The following FRMPD4 variants were observed in gnomAD, a reference collection of about 807,000 sequenced individuals.
FRMPD4 encodes the protein FERM and PDZ domain containing 4, also known as FERM and PDZ domain-containing protein 4.
In FRMPD4, 22 loss-of-function variants were observed where a neutral mutation model predicts 94.1. That is an observed-to-expected ratio of 0.23 (90% CI 0.17 to 0.33). The LOEUF (loss-of-function observed/expected upper bound fraction) is 0.33. Ranked by LOEUF, FRMPD4 falls within the 10% of genes least tolerant of loss-of-function variation. FRMPD4 has a pLI of 1.00. For synonymous variants in FRMPD4, 631 were observed against 548.6 expected (o/e 1.15, Z -2.10); for missense variants, 1,111 against 1,339.9 (o/e 0.83, Z 2.67).
chrX:12,258,606 A>C (rs769477808), intron 1 of FRMPD4, among the ~76,000 whole-genome samples: 1 of 111,778 alleles, frequency 8.9e-6, no homozygotes, highest in Admixed American at 9.5e-5. Context: ...GACTTTACTC[A>C]AATGAGAAAT....
intron 1 of FRMPD4, among the ~76,000 whole-genome samples, chrX:12,471,206 T>A (rs1020988356): frequency 8.9e-6 from 1 of 111,969 alleles, no homozygotes; most frequent in Admixed American, 9.6e-5. Flanking sequence ...TTTCTCACTA[T>A]GAGATGAAAT....
At chrX:12,424,101 C>G (rs777931935) in intron 1 of FRMPD4, among the ~76,000 whole-genome samples, 7 of 111,950 alleles carry the variant, frequency 6.3e-5, no homozygotes, top group Non-Finnish European at 9.4e-5. Flanking sequence ...ACAAAAGGAC[C>G]GAAACTTGTC....
intron 1 of FRMPD4, among the ~76,000 whole-genome samples, chrX:12,314,492 G>T (rs183892928): frequency 9.0e-6 from 1 of 111,062 alleles, no homozygotes; most frequent in Non-Finnish European, 1.9e-5. Flanking sequence ...CAGGTGGTCT[G>T]GTGGTCGTGG....
chrX:12,053,015 A>T (rs2054826721), intron 3 of FRMPD4, among the ~76,000 whole-genome samples: 1 of 111,018 alleles, frequency 9.0e-6, no homozygotes, highest in Non-Finnish European at 1.9e-5. Flanking sequence ...ATATTGCAAG[A>T]TTTGGGATTC....
At chrX:11,910,965 T>C (rs2053993915) in intron 3 of FRMPD4, among the ~76,000 whole-genome samples, 1 of 109,561 alleles carries the variant, frequency 9.1e-6, no homozygotes, top group African/African-American at 3.3e-5. Context: ...CTTCCAAGAA[T>C]CCCTTTAGAG....
intron 1 of FRMPD4, among the ~76,000 whole-genome samples, chrX:12,144,049 A>G (rs916476521): frequency 8.9e-6 from 1 of 112,202 alleles, no homozygotes. Context: ...AGCCTCAACC[A>G]ATGTGTGCTG....
chrX:12,418,818 A>G (rs1422825730), intron 1 of FRMPD4, among the ~76,000 whole-genome samples: 1 of 111,840 alleles, frequency 8.9e-6, no homozygotes, highest in Non-Finnish European at 1.9e-5. Context: ...GCTAGCTTAT[A>G]AATAGCGGAA....
intron 3 of FRMPD4, among the ~76,000 whole-genome samples, chrX:12,106,943 T>C (rs1221146331): frequency 8.9e-6 from 1 of 112,237 alleles, no homozygotes; most frequent in Non-Finnish European, 1.9e-5. Flanking sequence ...CAAGGAGGTC[T>C]GCCTGCCTCT....
chrX:11,987,014 G>T (rs1244495682), intron 3 of FRMPD4, among the ~76,000 whole-genome samples: 1 of 94,790 alleles, frequency 1.1e-5, no homozygotes, highest in Non-Finnish European at 2.0e-5. Flanking sequence ...AAACTAGTCT[G>T]AAAAAGAGAG....
chrX:12,378,668 T>G (rs1298082769), intron 1 of FRMPD4, among the ~76,000 whole-genome samples: 1 of 112,343 alleles, frequency 8.9e-6, no homozygotes, highest in Non-Finnish European at 1.9e-5. Context: ...GGGAGTTATA[T>G]TTCACTTTTG....
intron 9 of FRMPD4, among the ~76,000 whole-genome samples, chrX:12,700,067 ATTAG>A (rs1207237363): frequency 9.0e-6 from 1 of 111,564 alleles, no homozygotes; most frequent in Non-Finnish European, 1.9e-5. Flanking sequence ...CAGAGGGAAA[ATTAG>A]AGTCATATTT....
intron 3 of FRMPD4, among the ~76,000 whole-genome samples, chrX:12,045,590 C>T (rs887863809): frequency 1.6e-4 from 18 of 111,223 alleles, no homozygotes; most frequent in African/African-American, 5.9e-4. Context: ...CCATTTTCCC[C>T]TGCAAGAGCC....
chrX:12,440,044 T>A (rs5935340), intron 1 of FRMPD4, among the ~76,000 whole-genome samples: 50,488 of 110,727 alleles, frequency 0.46, 8,514 homozygotes, highest in South Asian at 0.62. Flanking sequence ...TTAGTTTTTT[T>A]AAAAATCTAT....
intron 3 of FRMPD4, among the ~76,000 whole-genome samples, chrX:11,925,206 T>G (rs2054080081): frequency 9.1e-6 from 1 of 109,864 alleles, no homozygotes. Context: ...CAAGAAGATC[T>G]AAGTATCCTA....
At chrX:11,959,296 G>A (rs961230936) in intron 3 of FRMPD4, among the ~76,000 whole-genome samples, 4 of 112,114 alleles carry the variant, frequency 3.6e-5, no homozygotes, top group Non-Finnish European at 7.5e-5. Flanking sequence ...ACACTTCAAG[G>A]CAGTGGGTAA....
intron 3 of FRMPD4, among the ~76,000 whole-genome samples, chrX:11,952,720 C>T (rs777984669): frequency 1.8e-5 from 2 of 112,152 alleles, no homozygotes; most frequent in Non-Finnish European, 1.9e-5. Flanking sequence ...CTGGGAACTC[C>T]CCTCTTCACT....
At chrX:12,005,912 G>T (rs1281565545) in intron 3 of FRMPD4, among the ~76,000 whole-genome samples, 1 of 110,531 alleles carries the variant, frequency 9.0e-6, no homozygotes, top group Non-Finnish European at 1.9e-5. Context: ...TTTTAGAGAC[G>T]AAATCATTAG....
chrX:12,392,378 C>T (rs1273759478), intron 1 of FRMPD4, among the ~76,000 whole-genome samples: 1 of 98,352 alleles, frequency 1.0e-5, no homozygotes, highest in Non-Finnish European at 2.1e-5. Context: ...AGGCTGGGTG[C>T]GGTGGCTCAC....
intron 1 of FRMPD4, among the ~76,000 whole-genome samples, chrX:12,383,199 T>C (rs1388696141): frequency 8.9e-6 from 1 of 112,454 alleles, no homozygotes; most frequent in Non-Finnish European, 1.9e-5. Flanking sequence ...AAACTTAAAA[T>C]GTTATAGTCA....
Sources: allele counts gnomAD v4.1 joint callset (sites outside exome capture counted in the v4.1 genomes callset), GRCh38; gene constraint gnomAD v4.1.1; transcripts MANE v1.5; gene names NCBI Gene and HGNC (gene_info 2026-07-23, HGNC 2026-07-21).